ADGRL3: variants seen among roughly 807,000 people sequenced by gnomAD.
ADGRL3 encodes adhesion G protein-coupled receptor L3.
Under a neutral mutation model 153.5 loss-of-function variants are expected in ADGRL3, and 62 were observed. That is an observed-to-expected ratio of 0.40 (90% CI 0.33 to 0.50). The LOEUF (loss-of-function observed/expected upper bound fraction) is 0.50. Among genes scored for constraint, ADGRL3 ranks in the 20% least tolerant of loss-of-function variants. The pLI is 0.47. For synonymous variants in ADGRL3, 710 were observed against 672.5 expected, an observed-to-expected ratio of 1.06 and a Z score of -0.86; for missense variants, 1,641 against 1,859.4, an observed-to-expected ratio of 0.88 and a Z score of 2.16.
Position 61,285,777 on chromosome 4 carries a change from A to G in ADGRL3, c.-240+84012A>G, listed in dbSNP as rs189685620. Among the ~76,000 whole-genome samples, 280 of 151,844 alleles carry G rather than the reference A, an allele frequency of 1.8e-3. 2 individuals carry two copies. Among genetic ancestry groups the G allele is most frequent in the African/African-American group, 6.5e-3 (269 of 41,492 alleles). ...GCCTGTGAACTTGAATTCACTTAAT[A>G]TGGTACCAGATATGAATAGAGAGGA... On this transcript the variant is annotated intron_variant, in intron 1 of 26. Coordinates refer to ENST00000683033, the MANE Select transcript of ADGRL3 (RefSeq NM_001387552.1).
intron 5 of ADGRL3, among the ~76,000 whole-genome samples, chr4:61,616,749 T>C (rs956073487): frequency 6.6e-6 from 1 of 152,296 alleles, no homozygotes; most frequent in East Asian, 1.9e-4. Context: ...TATAAAAAAA[T>C]TAAACTTCCA....
intron 6 of ADGRL3, among the ~76,000 whole-genome samples, chr4:61,701,118 A>G (rs1271849412): frequency 2.6e-5 from 4 of 152,174 alleles, no homozygotes; most frequent in Non-Finnish European, 5.9e-5. Flanking sequence ...ACTAAAGAAG[A>G]AAAGGTAGAG....
chr4:61,585,953 A>G (rs1309440684), intron 4 of ADGRL3, among the ~76,000 whole-genome samples: 1 of 152,048 alleles, frequency 6.6e-6, no homozygotes, highest in Admixed American at 6.6e-5. Context: ...AGCAAATTTT[A>G]CATAAATGTA....
chr4:61,239,797 TAAAAC>T (rs1754214729), intron 1 of ADGRL3, among the ~76,000 whole-genome samples: 2 of 152,204 alleles, frequency 1.3e-5, no homozygotes, highest in South Asian at 4.1e-4. Context: ...TCAAAATAGG[TAAAAC>T]AAAATATGGC....
At chr4:62,022,416 A>ATT (rs2099242244) in intron 21 of ADGRL3, among the ~76,000 whole-genome samples, 1 of 152,172 alleles carries the variant, frequency 6.6e-6, no homozygotes, top group Non-Finnish European at 1.5e-5. Flanking sequence ...GTTGCAGCAA[A>ATT]TTATCCAGAT....
In ADGRL3 at chr4:61,786,457, A is replaced by T. The variant is rs146376504; in HGVS notation, c.1400-27352A>T. 5.3e-5 allele frequency among the ~76,000 whole-genome samples: 8 copies of T among 152,344 alleles called. No individual in the cohort carries two copies. In the East Asian group the frequency reaches 1.5e-3, roughly 29 times the overall value. On this transcript the variant is annotated intron_variant, in intron 8 of 26. Transcript: ENST00000683033. ...AAATAAAGAAACCAGATGGAGAAAGAATAGGAAGAGCATTCGTGAGATGAT... is the reference window on the plus strand; with the variant it reads ...AAATAAAGAAACCAGATGGAGAAAGTATAGGAAGAGCATTCGTGAGATGAT...
chr4:61,723,037 A>T (rs1213503623), intron 6 of ADGRL3, among the ~76,000 whole-genome samples: 1 of 152,214 alleles, frequency 6.6e-6, no homozygotes, highest in Non-Finnish European at 1.5e-5. Context: ...CAAATAGATG[A>T]CATTTTCCAT....
intron 8 of ADGRL3, among the ~76,000 whole-genome samples, chr4:61,766,788 C>G (rs1052038171): frequency 4.0e-5 from 6 of 151,556 alleles, no homozygotes; most frequent in African/African-American, 1.5e-4. Context: ...TGTTTGAGAT[C>G]TAGAACAGAA....
chr4:61,352,741 C>G (rs981570445), intron 1 of ADGRL3, among the ~76,000 whole-genome samples: 10 of 152,238 alleles, frequency 6.6e-5, no homozygotes, highest in African/African-American at 2.2e-4. Flanking sequence ...CTTGCTTTAT[C>G]ACAATATTCA....
At chr4:61,759,185 G>A (rs1233507818) in intron 8 of ADGRL3, among the ~76,000 whole-genome samples, 1 of 152,080 alleles carries the variant, frequency 6.6e-6, no homozygotes, top group African/African-American at 2.4e-5. Context: ...TCTTTTTGGT[G>A]TTCTCTGTAT....
At chr4:61,677,549 T>C in intron 6 of ADGRL3, 1 of 159,478 alleles carries the variant, frequency 6.3e-6, no homozygotes, top group Non-Finnish European at 1.4e-5. Flanking sequence ...AATCAAAAAA[T>C]CTAAAATGAA....
intron 8 of ADGRL3, among the ~76,000 whole-genome samples, chr4:61,791,820 G>A (rs993366669): frequency 1.3e-5 from 2 of 152,204 alleles, no homozygotes. Flanking sequence ...AAGCTGCCAA[G>A]GCTTGGGGCT....
At chr4:61,261,846 G>A (rs2092546173) in intron 1 of ADGRL3, among the ~76,000 whole-genome samples, 1 of 152,144 alleles carries the variant, frequency 6.6e-6, no homozygotes, top group African/African-American at 2.4e-5. Flanking sequence ...GATTTGCCAT[G>A]AAAAGAGTGA....
chr4:61,747,050 C>A (rs907086749), intron 8 of ADGRL3, among the ~76,000 whole-genome samples: 2 of 152,188 alleles, frequency 1.3e-5, no homozygotes, highest in East Asian at 1.9e-4. Context: ...CACAGAAATA[C>A]AAACTACCAT....
chr4:61,719,839 G>T lies in ADGRL3; in HGVS notation c.584-10783G>T, dbSNP rs372816934. 2.6e-5 allele frequency among the ~76,000 whole-genome samples: 4 copies of T among 151,942 alleles called. No individual in the cohort carries two copies. In the East Asian group the frequency reaches 7.9e-4, roughly 30 times the overall value. On this transcript the variant is annotated intron_variant, in intron 6 of 26. Coordinates refer to ENST00000683033, the MANE Select transcript of ADGRL3 (RefSeq NM_001387552.1). ...GCTGGTCTTGAACTCCTGACCTCAAGTGATCTGCCCACCTCAGCCCTGTAA... is the reference window on the plus strand; with the variant it reads ...GCTGGTCTTGAACTCCTGACCTCAATTGATCTGCCCACCTCAGCCCTGTAA...
intron 5 of ADGRL3, among the ~76,000 whole-genome samples, chr4:61,608,850 T>C (rs2099042859): frequency 6.6e-6 from 1 of 152,238 alleles, no homozygotes; most frequent in African/African-American, 2.4e-5. Context: ...CATTCAGTCA[T>C]CTCAGTCAAA....
chr4:61,248,183 TGTAGA>T (rs1340611429), intron 1 of ADGRL3, among the ~76,000 whole-genome samples: 3 of 152,042 alleles, frequency 2.0e-5, no homozygotes, highest in East Asian at 1.9e-4. Flanking sequence ...CAAGTGCTGC[TGTAGA>T]GTAATTTTTT....
intron 9 of ADGRL3, among the ~76,000 whole-genome samples, chr4:61,854,617 A>G (rs1166049898): frequency 3.3e-5 from 5 of 152,206 alleles, no homozygotes; most frequent in Non-Finnish European, 5.9e-5. Context: ...AAAGAATTCC[A>G]AGTAATTGGT....
intron 1 of ADGRL3, among the ~76,000 whole-genome samples, chr4:61,337,249 GT>G (rs887098046): frequency 6.6e-6 from 1 of 152,126 alleles, no homozygotes; most frequent in African/African-American, 2.4e-5. Context: ...TGTCTGATCT[GT>G]TTTGTTTATT....
Sources: gnomAD v4.1 joint callset for allele counts (sites outside exome capture counted in the v4.1 genomes callset) on GRCh38, gnomAD v4.1.1 for gene constraint, MANE v1.5 for transcripts, NCBI Gene and HGNC (gene_info 2026-07-23, HGNC 2026-07-21) for gene names.